The following HIVEP3 variants were observed in gnomAD, a reference collection of about 807,000 sequenced individuals.
The protein encoded by HIVEP3 is HIVEP zinc finger 3.
A neutral mutation model predicts 152.8 loss-of-function variants in HIVEP3; 49 were observed. The observed-to-expected ratio is 0.32, with a 90% CI of 0.26 to 0.41. The LOEUF (loss-of-function observed/expected upper bound fraction) is 0.41, where lower values mean the gene tolerates loss of function less well. Ranked by LOEUF, HIVEP3 falls within the 10% of genes least tolerant of loss-of-function variation. The pLI, the probability that HIVEP3 is intolerant of heterozygous loss-of-function variation, is 1.00. For missense variants in HIVEP3, 2,790 were observed against 3,103.3 expected (o/e 0.90, Z 2.40); for synonymous variants, 1,269 against 1,289.0 (o/e 0.98, Z 0.33).
At chr1:41,749,431 T>TGTGTGTGTGTGTGTGTGTGTGA (rs1289662782) in intron 1 of HIVEP3, among the ~76,000 whole-genome samples, 11 of 151,360 alleles carry the variant, frequency 7.3e-5, no homozygotes, top group Non-Finnish European at 1.5e-4. Context: ...TGTGTGTGTG[T>TGTGTGTGTGTGTGTGTGTGTGA]GATGGAGAGA....
In HIVEP3 at chr1:41,508,815, G is replaced by A. The variant is rs899154980; in HGVS notation, c.*1636C>T. ...TCACACAGCCTGGCTGAGGACTGGG[G>A]ATTAGCCAGAGAGGTCCCTGCTCTG... On this transcript the variant is annotated 3_prime_UTR_variant, in exon 9 of 9. Coordinates refer to ENST00000372583, the MANE Select transcript of HIVEP3 (RefSeq NM_024503.5). 2 of 152,488 alleles carry A rather than the reference G, an allele frequency of 1.3e-5. No individual in the cohort carries two copies. The highest frequency in any genetic ancestry group is 2.4e-5 in the African/African-American group (1 of 41,582). 9.4% of individuals were successfully genotyped at this position (152,488 alleles called of 1,614,324 possible).
At chr1:41,618,517 G>A (rs190395523) in intron 3 of HIVEP3, among the ~76,000 whole-genome samples, 15 of 152,298 alleles carry the variant, frequency 9.8e-5, no homozygotes, top group Non-Finnish European at 1.9e-4. Context: ...TGACAGCAGC[G>A]TCTGCCTGCC....
intron 1 of HIVEP3, among the ~76,000 whole-genome samples, chr1:41,888,244 G>A (rs979960947): frequency 6.8e-6 from 1 of 146,746 alleles, no homozygotes; most frequent in Non-Finnish European, 1.5e-5. Flanking sequence ...AGTAGAGATG[G>A]GGTTTCAACA....
chr1:41,611,636 C>T (rs1644898091), intron 3 of HIVEP3, among the ~76,000 whole-genome samples: 1 of 152,216 alleles, frequency 6.6e-6, no homozygotes, highest in African/African-American at 2.4e-5. Context: ...CCCATTTCAC[C>T]TCCACATGTG....
intron 1 of HIVEP3, among the ~76,000 whole-genome samples, chr1:41,938,480 G>A (rs569153089): frequency 6.6e-6 from 1 of 152,300 alleles, no homozygotes; most frequent in Admixed American, 6.5e-5. Flanking sequence ...AGTAATGGGG[G>A]AAGGGAACTA....
chr1:41,954,540 G>A lies in HIVEP3; in HGVS notation n.120-36016C>T, dbSNP rs117919162. On this transcript the variant is annotated intron_variant and non_coding_transcript_variant, in intron 1 of 3. Transcript: ENST00000489103. ...CCCTGCGGGGTCTGGCTCCAACCTG[G>A]CAGCTGTTTGCAAGGACAGGCCAGT... Among the ~76,000 whole-genome samples, 16 of 152,370 alleles carry A rather than the reference G, an allele frequency of 1.1e-4. No individual in the cohort carries two copies. The East Asian group carries it at 2.7e-3, about 26-fold the overall frequency.
chr1:41,559,492 C>T (rs1644023490), intron 5 of HIVEP3, among the ~76,000 whole-genome samples: 1 of 152,054 alleles, frequency 6.6e-6, no homozygotes, highest in Non-Finnish European at 1.5e-5. Context: ...GGAGGGATGC[C>T]CCTCTCAACC....
chr1:41,717,987 G>A (rs146731242), intron 1 of HIVEP3, among the ~76,000 whole-genome samples: 95 of 152,348 alleles, frequency 6.2e-4, no homozygotes, highest in African/African-American at 1.6e-3. Flanking sequence ...GGAGATCAGA[G>A]ATTATGGGGA....
rs1223042733 is a variant in HIVEP3 at position 41,662,258 on chromosome 1, C to G, written c.-720-33311G>C. 6.9e-6 allele frequency: 1 copy of G among 145,698 alleles called. No homozygotes were observed. The highest frequency in any genetic ancestry group is 2.5e-5 in the African/African-American group (1 of 40,776). 9.0% of individuals were successfully genotyped at this position (145,698 alleles called of 1,614,324 possible). On this transcript the variant is annotated intron_variant, in intron 2 of 8. Transcript: ENST00000372583. The surrounding 1 kb of genome is among the most constrained non-coding windows in gnomAD (Gnocchi z 7.2). ...CCCGCGCGCTCGGCTCCGCCCGGCT[C>G]GGCTCCGCCCGGCGGTGCCCCAGGC... is the stretch of plus-strand genomic sequence containing the variant.
intron 1 of HIVEP3, among the ~76,000 whole-genome samples, chr1:41,706,962 G>T (rs1274626599): frequency 6.6e-6 from 1 of 152,232 alleles, no homozygotes; most frequent in African/African-American, 2.4e-5. Context: ...ATAAAATATT[G>T]CAGAATCTTC....
At chr1:41,758,939 C>T (rs992128600) in intron 1 of HIVEP3, among the ~76,000 whole-genome samples, 4 of 152,014 alleles carry the variant, frequency 2.6e-5, no homozygotes, top group Admixed American at 6.5e-5. Flanking sequence ...TTTAAATTGT[C>T]GTAAAAGATA....
At chr1:41,767,091 G>A (rs75355245) in intron 1 of HIVEP3, among the ~76,000 whole-genome samples, 294 of 152,264 alleles carry the variant, frequency 1.9e-3, no homozygotes, top group African/African-American at 6.8e-3. Flanking sequence ...GGTCCACAAT[G>A]GTTCTTACTC....
chr1:42,015,726 CTA>C (rs994695541), intron 1 of HIVEP3, among the ~76,000 whole-genome samples: 22 of 152,256 alleles, frequency 1.4e-4, no homozygotes, highest in African/African-American at 5.1e-4. Context: ...CTGAAATCCA[CTA>C]TGTCACTTGT....
chr1:41,734,729 C>T (rs1323950476), intron 1 of HIVEP3, among the ~76,000 whole-genome samples: 1 of 152,158 alleles, frequency 6.6e-6, no homozygotes, highest in Non-Finnish European at 1.5e-5. Context: ...GGAGCAGGAC[C>T]CACAGCAGCC....
At position 41,580,541 on chromosome 1, in the gene HIVEP3, C is replaced by T. The variant is rs751938560; in HGVS notation, c.4257G>A (p.Glu1419=). The change falls in exon 4 of 9, where the codon GAG becomes GAA. Residue 1419 remains glutamate (E), a synonymous_variant. Transcript: ENST00000372583. Reference sequence around the variant, plus strand: ...TTCCCCCTGCTGTTGATGAACTCCCCTCCAGGCTCAAGATACTCTCTGATG... The same window carrying T: ...TTCCCCCTGCTGTTGATGAACTCCCTTCCAGGCTCAAGATACTCTCTGATG... ...SLSSESILSL[E]GSSSTAGGSK... 13 of 1,614,224 alleles carry T rather than the reference C, an allele frequency of 8.1e-6. No homozygotes were observed. The South Asian group carries it at 9.9e-5, about 12-fold the overall frequency.
upstream of HIVEP3, among the ~76,000 whole-genome samples, chr1:41,923,592 A>T (rs568853357): frequency 6.6e-6 from 1 of 152,332 alleles, no homozygotes; most frequent in African/African-American, 2.4e-5. Context: ...TGGTGACTAC[A>T]GTTAATAATA....
chr1:41,889,751 CT>C (rs1227141417), intron 1 of HIVEP3, among the ~76,000 whole-genome samples: 1 of 152,136 alleles, frequency 6.6e-6, no homozygotes, highest in African/African-American at 2.4e-5. Context: ...GATGGAGCTC[CT>C]GTAGGAATAA....
chr1:41,875,667 A>G (rs1644157713), intron 1 of HIVEP3, among the ~76,000 whole-genome samples: 1 of 151,962 alleles, frequency 6.6e-6, no homozygotes, highest in Non-Finnish European at 1.5e-5. Flanking sequence ...TCCCTTACTC[A>G]TGACCCCAGG....
chr1:41,786,305 T>C (rs1387559376), intron 1 of HIVEP3, among the ~76,000 whole-genome samples: 2 of 152,196 alleles, frequency 1.3e-5, no homozygotes, highest in African/African-American at 4.8e-5. Flanking sequence ...CACCAGGCAC[T>C]CAGTAGAGAT....
Sources: gnomAD v4.1 joint callset for allele counts (sites outside exome capture counted in the v4.1 genomes callset) on GRCh38, gnomAD v4.1.1 for gene constraint, Gnocchi (gnomAD v3.1) non-coding constraint, MANE v1.5 for transcripts, NCBI Gene and HGNC (gene_info 2026-07-23, HGNC 2026-07-21) for gene names.